Variants in UNC5D observed in about 807,000 individuals in gnomAD.
UNC5D encodes the protein unc-5 netrin receptor D, also known as netrin receptor UNC5D.
UNC5D carries 39 observed loss-of-function variants against 105.4 expected under a neutral mutation model. That is an observed-to-expected ratio of 0.37 (90% CI 0.29 to 0.48). The LOEUF is 0.48. Ranked by LOEUF, UNC5D falls within the 20% of genes least tolerant of loss-of-function variation. UNC5D has a pLI of 0.98. For missense variants in UNC5D, 991 were observed against 1,202.4 expected (o/e 0.82, Z 2.60); for synonymous variants, 452 against 450.4 (o/e 1.00, Z -0.04).
At chr8:35,727,010 T>C (rs1037343429) in intron 10 of UNC5D, 1 of 156,930 alleles carries the variant, frequency 6.4e-6, no homozygotes, top group Non-Finnish European at 1.4e-5. Context: ...TGTTACTTTC[T>C]GGTGAGCAAC....
At chr8:35,246,117 T>C (rs1330275779) in intron 1 of UNC5D, among the ~76,000 whole-genome samples, 2 of 152,182 alleles carry the variant, frequency 1.3e-5, no homozygotes, top group Non-Finnish European at 2.9e-5. Flanking sequence ...ATCACTTTTT[T>C]CTCTAGTTCT....
chr8:35,447,133 C>T (rs1376459692), intron 1 of UNC5D, among the ~76,000 whole-genome samples: 2 of 152,032 alleles, frequency 1.3e-5, no homozygotes, highest in African/African-American at 4.8e-5. Context: ...TGTATAAAAA[C>T]TCAAGTTTTC....
Position 35,540,189 on chromosome 8 carries a change from A to G in UNC5D, c.104-9103A>G, listed in dbSNP as rs1288163681. Among the ~76,000 whole-genome samples the G allele has an allele frequency of 2.6e-5, 4 of 152,202 alleles. No homozygotes were observed. In the South Asian group the frequency reaches 8.3e-4, roughly 32 times the overall value. On this transcript the variant is annotated intron_variant, in intron 1 of 16. Transcript: ENST00000404895. Reference sequence around the variant, plus strand: ...GACATATTCATACACAAATGTATCCATTGTTGGGGGAGGAATTAAACAATT... The same window carrying G: ...GACATATTCATACACAAATGTATCCGTTGTTGGGGGAGGAATTAAACAATT...
intron 1 of UNC5D, among the ~76,000 whole-genome samples, chr8:35,314,938 A>T (rs534514577): frequency 2.2e-4 from 33 of 152,256 alleles, no homozygotes; most frequent in South Asian, 4.1e-4. Context: ...TGATCCACAA[A>T]AGAAGGTATA....
At chr8:35,294,338 A>G (rs978417592) in intron 1 of UNC5D, among the ~76,000 whole-genome samples, 4 of 152,126 alleles carry the variant, frequency 2.6e-5, no homozygotes, top group Admixed American at 6.6e-5. Flanking sequence ...AAACCTGTTC[A>G]GGTAGATATC....
At chr8:35,521,610 T>C (rs1383043719) in intron 1 of UNC5D, among the ~76,000 whole-genome samples, 1 of 152,176 alleles carries the variant, frequency 6.6e-6, no homozygotes, top group Non-Finnish European at 1.5e-5. Flanking sequence ...TCTGCCTTGT[T>C]AAGCACTCTG....
At chr8:35,433,016 C>A (rs1287574259) in intron 1 of UNC5D, among the ~76,000 whole-genome samples, 1 of 152,060 alleles carries the variant, frequency 6.6e-6, no homozygotes. Flanking sequence ...ATAATTATAT[C>A]CTTAATAACT....
intron 1 of UNC5D, among the ~76,000 whole-genome samples, chr8:35,528,196 C>A (rs1463463170): frequency 6.6e-6 from 1 of 150,934 alleles, no homozygotes; most frequent in East Asian, 2.0e-4. Flanking sequence ...TCCCTCCCCG[C>A]TCCCCCCACC....
rs1828899884 is a variant in UNC5D at position 35,726,701 on chromosome 8, A to G, written c.1681+172A>G. Reference sequence around the variant, plus strand: ...ACACAGCAAACCAGAACCAATGCTGAGATTAGATTTTGCAGTCTTCATCTC... The same window carrying G: ...ACACAGCAAACCAGAACCAATGCTGGGATTAGATTTTGCAGTCTTCATCTC... On this transcript the variant is annotated intron_variant, in intron 10 of 16. Coordinates refer to ENST00000404895, the MANE Select transcript of UNC5D (RefSeq NM_080872.4). 5.8e-6 allele frequency: 6 copies of G among 1,025,722 alleles called. No homozygotes were observed. The South Asian group carries it at 9.7e-5, about 17-fold the overall frequency. The allele number at this position is 1,025,722 out of a possible 1,614,324, so 63.5% of individuals were successfully genotyped here.
At chr8:35,651,705 A>G (rs1426498057) in intron 4 of UNC5D, among the ~76,000 whole-genome samples, 11 of 152,194 alleles carry the variant, frequency 7.2e-5, no homozygotes, top group Non-Finnish European at 1.6e-4. Flanking sequence ...TTCACTATAT[A>G]TAATGTATCC....
At chr8:35,771,158 T>C (rs1476883566) in intron 15 of UNC5D, among the ~76,000 whole-genome samples, 4 of 152,170 alleles carry the variant, frequency 2.6e-5, no homozygotes, top group Non-Finnish European at 4.4e-5. Context: ...TTAGACTCAA[T>C]CTCATATAAT....
chr8:35,259,864 A>T (rs1268025189), intron 1 of UNC5D, among the ~76,000 whole-genome samples: 1 of 151,820 alleles, frequency 6.6e-6, no homozygotes, highest in Non-Finnish European at 1.5e-5. Flanking sequence ...GAGGGCAGGG[A>T]AGGGTACACA....
At chr8:35,376,654 T>A (rs1394943781) in intron 1 of UNC5D, among the ~76,000 whole-genome samples, 1 of 152,228 alleles carries the variant, frequency 6.6e-6, no homozygotes, top group Non-Finnish European at 1.5e-5. Context: ...TTCATACTCC[T>A]TGGATGTCAC....
chr8:35,409,995 A>T (rs1033042001), intron 1 of UNC5D, among the ~76,000 whole-genome samples: 2 of 120,932 alleles, frequency 1.7e-5, no homozygotes, highest in African/African-American at 6.7e-5. Context: ...TCCTTTCTCC[A>T]TTGAATTTCC....
At chr8:35,377,079 G>T (rs1017922826) in intron 1 of UNC5D, among the ~76,000 whole-genome samples, 1 of 152,182 alleles carries the variant, frequency 6.6e-6, no homozygotes, top group African/African-American at 2.4e-5. Flanking sequence ...TTTCACAAGA[G>T]CACACCAGGT....
At chr8:35,591,108 G>T (rs1416213364) in intron 3 of UNC5D, among the ~76,000 whole-genome samples, 3 of 151,970 alleles carry the variant, frequency 2.0e-5, no homozygotes, top group Non-Finnish European at 4.4e-5. Context: ...TCATTGGTTA[G>T]TTTATTTTAC....
chr8:35,573,321 T>TA (rs1346110962), intron 3 of UNC5D, among the ~76,000 whole-genome samples: 1 of 152,154 alleles, frequency 6.6e-6, no homozygotes, highest in East Asian at 1.9e-4. Flanking sequence ...TGCGTGCCTG[T>TA]AGTCATGGCT....
At chr8:35,394,129 G>T (rs2128943707) in intron 1 of UNC5D, among the ~76,000 whole-genome samples, 1 of 152,064 alleles carries the variant, frequency 6.6e-6, no homozygotes, top group Admixed American at 6.5e-5. Context: ...AATCATGTTT[G>T]TGTCTTAGGG....
intron 1 of UNC5D, among the ~76,000 whole-genome samples, chr8:35,483,716 A>G (rs1202201788): frequency 6.6e-6 from 1 of 152,188 alleles, no homozygotes; most frequent in Non-Finnish European, 1.5e-5. Flanking sequence ...AAAGGAATTG[A>G]AGGGCTTTTT....
Sources: gnomAD v4.1 joint callset for allele counts (sites outside exome capture counted in the v4.1 genomes callset) on GRCh38, gnomAD v4.1.1 for gene constraint, MANE v1.5 for transcripts, NCBI Gene and HGNC (gene_info 2026-07-23, HGNC 2026-07-21) for gene names.